The following DOCK1 variants were observed in gnomAD, a reference collection of about 807,000 sequenced individuals.
DOCK1 encodes dedicator of cytokinesis 1.
A neutral mutation model predicts 262.7 loss-of-function variants in DOCK1; 138 were observed. That is an observed-to-expected ratio of 0.53 (90% CI 0.46 to 0.61). DOCK1 has a LOEUF of 0.61. Among genes scored for constraint, DOCK1 ranks in the 20% least tolerant of loss-of-function variants. The pLI is 0.00. For missense variants in DOCK1, 1,908 were observed against 2,370.7 expected, an observed-to-expected ratio of 0.80 and a Z score of 4.05; for synonymous variants, 866 against 867.4, an observed-to-expected ratio of 1.00 and a Z score of 0.03.
Position 127,015,855 on chromosome 10 carries a change from A to G in DOCK1, c.1202-2855A>G, listed in dbSNP as rs4488108. The G allele has an allele frequency of 3.9e-5, 6 of 152,444 alleles. No individual in the cohort carries two copies. The East Asian group carries it at 5.8e-4, about 15-fold the overall frequency. The allele number at this position is 152,444 out of a possible 1,614,324, so 9.4% of individuals were successfully genotyped here. ...AGCCTGACTCTTGTTCCTGAGCCCCACTCTGGGTGCCCCCCATCCTTCAGA... is the reference window on the plus strand; with the variant it reads ...AGCCTGACTCTTGTTCCTGAGCCCCGCTCTGGGTGCCCCCCATCCTTCAGA... On this transcript the variant is annotated intron_variant, in intron 12 of 51. Transcript: ENST00000623213.
At chr10:126,926,561 T>G (rs959616743) in intron 1 of DOCK1, among the ~76,000 whole-genome samples, 2 of 152,196 alleles carry the variant, frequency 1.3e-5, no homozygotes, top group African/African-American at 2.4e-5. Context: ...CAGGTTGAAG[T>G]CCTAACCCTT....
At chr10:127,138,644 A>G (rs1047154353) in intron 27 of DOCK1, among the ~76,000 whole-genome samples, 1 of 152,170 alleles carries the variant, frequency 6.6e-6, no homozygotes, top group South Asian at 2.1e-4. Flanking sequence ...TACTAACCAC[A>G]GTTTCTTTGG....
intron 43 of DOCK1, among the ~76,000 whole-genome samples, chr10:127,413,530 G>T (rs1044710535): frequency 2.0e-5 from 3 of 152,238 alleles, no homozygotes; most frequent in South Asian, 4.1e-4. Context: ...AGCAGTGCGA[G>T]GTGGCTCATC....
chr10:126,997,532 G>A (rs2040296542), intron 7 of DOCK1, among the ~76,000 whole-genome samples: 1 of 151,984 alleles, frequency 6.6e-6, no homozygotes, highest in African/African-American at 2.4e-5. Flanking sequence ...TTTAAACGAC[G>A]AGATCTTGTG....
In DOCK1 at chr10:127,012,502, G is replaced by C. The variant is rs1210130893; in HGVS notation, c.1201+128G>C. The C allele has an allele frequency of 1.3e-6, 1 of 791,602 alleles. No homozygotes were observed. Among genetic ancestry groups the C allele is most frequent in the African/African-American group, 1.7e-5 (1 of 58,792 alleles). The allele number at this position is 791,602 out of a possible 1,614,324, so 49.0% of individuals were successfully genotyped here. ...TAATGATGGGGATGACAGTGATCGT[G>C]GTGGAGAATGTGTGTGACAGTTGCC... is the stretch of plus-strand genomic sequence containing the variant. On this transcript the variant is annotated intron_variant, in intron 12 of 51. Coordinates refer to ENST00000623213, the MANE Select transcript of DOCK1 (RefSeq NM_001290223.2). The surrounding 1 kb of genome is among the most constrained non-coding windows in gnomAD (Gnocchi z 4.0).
In DOCK1 at chr10:127,100,568, A is replaced by G. The variant is rs1356261701; in HGVS notation, c.2446-5663A>G. Among the ~76,000 whole-genome samples the G allele has an allele frequency of 6.6e-6, 1 of 152,036 alleles. No homozygotes were observed. Among genetic ancestry groups the G allele is most frequent in the Non-Finnish European group, 1.5e-5 (1 of 68,000 alleles). On this transcript the variant is annotated intron_variant, in intron 23 of 51. Transcript: ENST00000623213. This position sits in a 1 kb window ranked among gnomAD's most constrained non-coding sequence, Gnocchi z 5.5. ...AGGGGAGCCCTGGAGATGGATCAGA[A>G]TTGGGAGTCATTGGCATGGCAGGAG...
At chr10:127,268,691 T>A (rs568100557) in intron 29 of DOCK1, among the ~76,000 whole-genome samples, 32 of 152,118 alleles carry the variant, frequency 2.1e-4, no homozygotes, top group African/African-American at 7.5e-4. Flanking sequence ...TCTTCACTTA[T>A]TAGGGGGGTG....
At chr10:127,049,775 C>A (rs992909303) in intron 21 of DOCK1, among the ~76,000 whole-genome samples, 1 of 151,334 alleles carries the variant, frequency 6.6e-6, no homozygotes, top group South Asian at 2.1e-4. Flanking sequence ...TCTAAAATAC[C>A]GAAATAATAT....
intron 29 of DOCK1, among the ~76,000 whole-genome samples, chr10:127,299,731 G>A (rs943075329): frequency 1.8e-4 from 27 of 152,144 alleles, no homozygotes; most frequent in African/African-American, 6.3e-4. Context: ...ATCTCTCCGT[G>A]TGACTGGTTA....
At chr10:127,201,282 G>A (rs372033756) in intron 27 of DOCK1, among the ~76,000 whole-genome samples, 3 of 152,100 alleles carry the variant, frequency 2.0e-5, no homozygotes, top group East Asian at 1.9e-4. Flanking sequence ...TAAGACTCTC[G>A]CTTTGTGTAA....
intron 29 of DOCK1, 138 bp downstream of exon 29, chr10:127,257,567 C>A: frequency 1.4e-6 from 1 of 714,776 alleles, no homozygotes; most frequent in South Asian, 2.0e-5. Context: ...GTGCTGCAGA[C>A]AGTTCTAGGG....
intron 1 of DOCK1, among the ~76,000 whole-genome samples, chr10:126,918,564 G>A (rs1164124313): frequency 1.3e-5 from 2 of 152,222 alleles, no homozygotes; most frequent in South Asian, 2.1e-4. Flanking sequence ...AGCAGGGCCT[G>A]CCCAGTAGAT....
chr10:127,028,739 A>G lies in DOCK1; in HGVS notation c.1624+2315A>G, dbSNP rs538812160. 5.9e-5 allele frequency among the ~76,000 whole-genome samples: 9 copies of G among 152,320 alleles called. No individual in the cohort carries two copies. The South Asian group carries it at 1.9e-3, about 32-fold the overall frequency. On this transcript the variant is annotated intron_variant, in intron 16 of 51. Transcript: ENST00000623213. ...TTGCAAGAACCAGCTAGGGCGTGGC[A>G]GCCTGTGAGTATCACATGAATTAGG... is the stretch of plus-strand genomic sequence containing the variant.
intron 38 of DOCK1, among the ~76,000 whole-genome samples, chr10:127,386,731 G>A (rs1052253501): frequency 1.3e-5 from 2 of 152,000 alleles, no homozygotes; most frequent in African/African-American, 2.4e-5. Context: ...TAAAGTACAC[G>A]ATCAATGTAA....
chr10:126,962,309 G>T (rs1361504079), intron 1 of DOCK1, among the ~76,000 whole-genome samples: 1 of 152,172 alleles, frequency 6.6e-6, no homozygotes, highest in African/African-American at 2.4e-5. Flanking sequence ...CCAGGCGCGT[G>T]CCGCCATGCC....
intron 29 of DOCK1, among the ~76,000 whole-genome samples, chr10:127,290,052 G>A (rs1469229280): frequency 6.6e-6 from 1 of 150,544 alleles, no homozygotes; most frequent in Non-Finnish European, 1.5e-5. Flanking sequence ...TTTGCTAATT[G>A]GAAACTAAAA....
Position 127,068,978 on chromosome 10 carries a change from A to G in DOCK1, c.2445+7202A>G, listed in dbSNP as rs542686053. Among the ~76,000 whole-genome samples the G allele has an allele frequency of 2.0e-5, 3 of 152,354 alleles. No homozygotes were observed. The East Asian group carries it at 5.8e-4, about 29-fold the overall frequency. Reference sequence around the variant, plus strand: ...AGCTGGTTTCTAGTTTTCAGTTTTCATGAACAGTGCTTGGCTGACCTCTCT... The same window carrying G: ...AGCTGGTTTCTAGTTTTCAGTTTTCGTGAACAGTGCTTGGCTGACCTCTCT... On this transcript the variant is annotated intron_variant, in intron 23 of 51. Transcript: ENST00000623213.
chr10:127,174,227 A>G (rs568179329), intron 27 of DOCK1, among the ~76,000 whole-genome samples: 1 of 152,340 alleles, frequency 6.6e-6, no homozygotes, highest in East Asian at 1.9e-4. Flanking sequence ...TGCACATCAC[A>G]TGAGGCAACA....
chr10:127,043,388 T>C (rs1035794254), intron 21 of DOCK1, among the ~76,000 whole-genome samples: 26 of 152,226 alleles, frequency 1.7e-4, no homozygotes, highest in Non-Finnish European at 3.7e-4. Flanking sequence ...AAATTCTTGT[T>C]CTCCCTCACA....
Sources: gnomAD v4.1 joint callset for allele counts (sites outside exome capture counted in the v4.1 genomes callset) on GRCh38, gnomAD v4.1.1 for gene constraint, Gnocchi (gnomAD v3.1) non-coding constraint, MANE v1.5 for transcripts, NCBI Gene and HGNC (gene_info 2026-07-23, HGNC 2026-07-21) for gene names.